ARHGEF10: variants seen among roughly 807,000 people sequenced by gnomAD.
The protein encoded by ARHGEF10 is Rho guanine nucleotide exchange factor (GEF) 10.
A neutral mutation model predicts 147.4 loss-of-function variants in ARHGEF10; 140 were observed. The observed-to-expected ratio is 0.95, with a 90% CI of 0.83 to 1.09. ARHGEF10 has a LOEUF of 1.09. Among genes scored for constraint, ARHGEF10 ranks in the 50% least tolerant of loss-of-function variants. ARHGEF10 has a pLI of 0.00. For missense variants in ARHGEF10, 2,222 were observed against 1,752.7 expected, an observed-to-expected ratio of 1.27 and a Z score of -4.78; for synonymous variants, 902 against 695.8, an observed-to-expected ratio of 1.30 and a Z score of -4.67.
At chr8:1,885,822 C>G in intron 11 of ARHGEF10, 115 bp downstream of exon 11, 1 of 848,294 alleles carries the variant, frequency 1.2e-6, no homozygotes, top group South Asian at 1.4e-5. Flanking sequence ...TCTGCATCCA[C>G]TCGGGCCCTC....
Position 1,925,391 on chromosome 8 carries a change from A to T in ARHGEF10, c.2597A>T (p.Gln866Leu). 6.2e-7 allele frequency: 1 copy of T among 1,614,124 alleles called. No individual in the cohort carries two copies. The highest frequency in any genetic ancestry group is 8.5e-7 in the Non-Finnish European group (1 of 1,180,018). Reference sequence around the variant, plus strand: ...CACATGCCCGTGATGGTGGCCAAGCAGCAGGAGTTCAAGGTGAAGGGAGGC... The same window carrying T: ...CACATGCCCGTGATGGTGGCCAAGCTGCAGGAGTTCAAGGTGAAGGGAGGC... ...VGHMPVMVAK[Q>L]QEFKIECAAY... Residue 866 changes from glutamine (Q) to leucine (L), a missense_variant, in exon 22 of 29, where the codon CAG becomes CTG. Coordinates refer to ENST00000349830, the MANE Select transcript of ARHGEF10 (RefSeq NM_014629.4).
chr8:1,955,448 T>A (rs1448707951), intron 28 of ARHGEF10, among the ~76,000 whole-genome samples: 3 of 146,496 alleles, frequency 2.0e-5, no homozygotes, highest in East Asian at 2.0e-4. Flanking sequence ...GCACTCTCAC[T>A]GTTTCTCTGG....
In ARHGEF10 at chr8:1,844,504, G is replaced by T. The variant is rs145346130; in HGVS notation, c.37+1068G>T. On this transcript the variant is annotated intron_variant, in intron 2 of 28. Transcript: ENST00000349830. ...CCCAGAAACAGCCAGCGACACCACA[G>T]GGGCCAGAAGGGATGCCCACTCCTG... Among the ~76,000 whole-genome samples, 8 of 152,140 alleles carry T rather than the reference G, an allele frequency of 5.3e-5. No individual in the cohort carries two copies. In the East Asian group the frequency reaches 1.2e-3, roughly 22 times the overall value.
At chr8:1,877,400 G>C (rs181874318) in intron 8 of ARHGEF10, among the ~76,000 whole-genome samples, 2 of 152,096 alleles carry the variant, frequency 1.3e-5, no homozygotes, top group South Asian at 2.1e-4. Context: ...GCTAATTTTC[G>C]TATTTTTATT....
At chr8:1,879,655 C>A (rs923576316) in intron 8 of ARHGEF10, among the ~76,000 whole-genome samples, 1 of 151,864 alleles carries the variant, frequency 6.6e-6, no homozygotes, top group Non-Finnish European at 1.5e-5. Flanking sequence ...CAGGCTCAAG[C>A]AATTCGCCCA....
intron 1 of ARHGEF10, among the ~76,000 whole-genome samples, chr8:1,837,837 C>T (rs562638913): frequency 6.6e-6 from 1 of 152,298 alleles, no homozygotes; most frequent in South Asian, 2.1e-4. Flanking sequence ...ACCTTTGTTT[C>T]TTCAGCAGTT....
chr8:1,881,699 C>T (rs1190944473), intron 9 of ARHGEF10, among the ~76,000 whole-genome samples: 2 of 152,146 alleles, frequency 1.3e-5, no homozygotes, highest in African/African-American at 4.8e-5. Context: ...TTTGGAAGTC[C>T]AGGGCAGGCA....
chr8:1,846,796 C>T (rs999763717), intron 2 of ARHGEF10, among the ~76,000 whole-genome samples: 4 of 152,176 alleles, frequency 2.6e-5, no homozygotes, highest in East Asian at 3.9e-4. Context: ...AGGCTGGTCT[C>T]GAACTCCTGA....
At chr8:1,954,034 T>C (rs1030901934) in intron 28 of ARHGEF10, among the ~76,000 whole-genome samples, 4 of 152,188 alleles carry the variant, frequency 2.6e-5, no homozygotes, top group Non-Finnish European at 5.9e-5. Context: ...TTTATTATGA[T>C]ATATGGGATT....
At chr8:1,870,178 C>A (rs1192449770) in intron 7 of ARHGEF10, 2 of 150,560 alleles carry the variant, frequency 1.3e-5, no homozygotes, top group African/African-American at 4.9e-5. Context: ...CCGTTCATGC[C>A]GTGTGTTCTG....
In ARHGEF10 at chr8:1,864,564, C is replaced by T. The variant is rs1007194807; in HGVS notation, c.545+128C>T. The T allele has an allele frequency of 3.3e-6, 3 of 906,260 alleles. No homozygotes were observed. In the Admixed American group the frequency reaches 5.4e-5, roughly 16 times the overall value. The allele number at this position is 906,260 out of a possible 1,614,324, so 56.1% of individuals were successfully genotyped here. A position where few individuals can be genotyped will look rare whatever the true frequency, so the allele number is the denominator to read the frequency against. On this transcript the variant is annotated intron_variant, in intron 5 of 28. Coordinates refer to ENST00000349830, the MANE Select transcript of ARHGEF10 (RefSeq NM_014629.4). The stretch of plus-strand genomic sequence containing the variant: ...TGCGCGGCGGGAGCTGTCCCAACCC[C>T]ACCTCCTGCCTCGGGTCCCTCCCAG...
rs371839650 is a variant in ARHGEF10, at chr8:1,882,624, C to T, written c.961-11C>T. On this transcript the variant is annotated splice_polypyrimidine_tract_variant and intron_variant, in intron 9 of 28. Transcript: ENST00000349830. ...CGCCGTCCCGTTCTCACATCTCCCT[C>T]TCCGTCGCAGATGCAGAAGCTCGTG... The T allele has an allele frequency of 8.4e-6, 13 of 1,550,884 alleles. No homozygotes were observed. Among genetic ancestry groups the T allele is most frequent in the Non-Finnish European group, 1.1e-5 (13 of 1,146,516 alleles).
intron 2 of ARHGEF10, among the ~76,000 whole-genome samples, chr8:1,850,492 G>A (rs146086559): frequency 1.0e-3 from 157 of 150,886 alleles, no homozygotes; most frequent in African/African-American, 3.4e-3. Flanking sequence ...TGCGGAAGAC[G>A]GCATGGGCCA....
At chr8:1,866,201 C>T (rs528168165) in intron 5 of ARHGEF10, among the ~76,000 whole-genome samples, 1 of 152,264 alleles carries the variant, frequency 6.6e-6, no homozygotes, top group East Asian at 1.9e-4. Flanking sequence ...AAGAGGTCCT[C>T]AAAGGGGTGG....
In ARHGEF10 at chr8:1,937,764, C is replaced by T. The variant is rs1813738295; in HGVS notation, c.3222+3822C>T. 6.6e-6 allele frequency among the ~76,000 whole-genome samples: 1 copy of T among 152,186 alleles called. No homozygotes were observed. Among genetic ancestry groups the T allele is most frequent in the Non-Finnish European group, 1.5e-5 (1 of 68,038 alleles). ...GCAGCAGCTGCGGGGGGATCCGTCCCGAATGGCCATATGCTGTCAGAACAG... is the reference window on the plus strand; with the variant it reads ...GCAGCAGCTGCGGGGGGATCCGTCCTGAATGGCCATATGCTGTCAGAACAG... On this transcript the variant is annotated intron_variant, in intron 26 of 28. Transcript: ENST00000349830. This position sits in a 1 kb window ranked among gnomAD's most constrained non-coding sequence, Gnocchi z 4.9.
In ARHGEF10 at chr8:1,866,593, T is replaced by C. The variant is rs1047874415; in HGVS notation, c.613T>C (p.Trp205Arg). Residue 205 changes from tryptophan to arginine, a missense_variant, in exon 6 of 29, where the codon TGG becomes CGG. Trp to Arg is a moderately radical substitution (Grantham distance 101). Transcript: ENST00000349830. ...RWAADPANTAWMENPEEAIYD... is the reference protein window; with the variant it reads ...RWAADPANTARMENPEEAIYD... ...GGCCGCAGACCCGGCCAACACAGCC[T>C]GGATGGAGAGTAAGTTCCCCAGCTG... The C allele has an allele frequency of 1.2e-6, 2 of 1,605,486 alleles. No homozygotes were observed. The highest frequency in any genetic ancestry group is 2.7e-5 in the African/African-American group (2 of 74,926).
At chr8:1,871,823 C>T (rs757003922) in intron 7 of ARHGEF10, among the ~76,000 whole-genome samples, 3 of 151,950 alleles carry the variant, frequency 2.0e-5, no homozygotes, top group Non-Finnish European at 2.9e-5. Context: ...TCTGAAAAAA[C>T]AAAACAAAAC....
intron 4 of ARHGEF10, 29 bp from the exon 5 acceptor site, chr8:1,864,344 G>T: frequency 6.2e-7 from 1 of 1,612,140 alleles, no homozygotes; most frequent in South Asian, 1.1e-5. Context: ...CAGGCGTAAA[G>T]CAGCATCACA....
At chr8:1,928,389 T>A (rs760145689) in intron 23 of ARHGEF10, 38 bp from the exon 24 acceptor site, 2 of 1,594,726 alleles carry the variant, frequency 1.3e-6, no homozygotes. Flanking sequence ...AGCCGCCACA[T>A]GGTCGTTTTC....
Sources: gnomAD v4.1 joint callset for allele counts (sites outside exome capture counted in the v4.1 genomes callset) on GRCh38, gnomAD v4.1.1 for gene constraint, Gnocchi (gnomAD v3.1) non-coding constraint, MANE v1.5 for transcripts, NCBI Gene and HGNC (gene_info 2026-07-23, HGNC 2026-07-21) for gene names.